The following KIAA1671 variants were observed in gnomAD, a reference collection of about 807,000 sequenced individuals.
The protein encoded by KIAA1671 is KIAA1671.
Under a neutral mutation model 131.2 loss-of-function variants are expected in KIAA1671, and 52 were observed. The observed-to-expected ratio is 0.40, with a 90% CI of 0.32 to 0.50. The LOEUF (loss-of-function observed/expected upper bound fraction) is 0.50, where lower values mean the gene tolerates loss of function less well. Among genes scored for constraint, KIAA1671 ranks in the 20% least tolerant of loss-of-function variants. The probability of loss-of-function intolerance (pLI) is 0.73; values close to 1 mark genes in which losing one functional copy is unlikely to be tolerated. For missense variants in KIAA1671, 2,360 were observed against 2,364.2 expected (o/e 1.00, Z 0.04); for synonymous variants, 1,003 against 961.6 (o/e 1.04, Z -0.80).
In KIAA1671 at chr22:25,039,775, G is replaced by A. The variant is rs886835837; in HGVS notation, c.2645G>A (p.Cys882Tyr). The change falls in exon 5 of 13, where the codon TGC becomes TAC. Residue 882 changes from cysteine to tyrosine, a missense_variant. Cys to Tyr is a radical substitution (Grantham distance 194). Coordinates refer to ENST00000358431, the MANE Select transcript of KIAA1671 (RefSeq NM_001145206.2). ...GGAGCAAGGGGCCCACCCCAGGGAT[G>A]CCCCCTCGATCCTCTTTCCAGGGCT... ...GVGARGPPQG[C>Y]PLDPLSRATN... The A allele has an allele frequency of 6.7e-7, 1 of 1,501,676 alleles. No individual in the cohort carries two copies. Among genetic ancestry groups the A allele is most frequent in the Non-Finnish European group, 8.9e-7 (1 of 1,120,454 alleles). The allele number at this position is 1,501,676 out of a possible 1,614,324, so 93.0% of individuals were successfully genotyped here. A position where few individuals can be genotyped will look rare whatever the true frequency, so the allele number is the denominator to read the frequency against.
chr22:24,973,556 G>A (rs1198646195), intron 1 of KIAA1671, among the ~76,000 whole-genome samples: 1 of 151,742 alleles, frequency 6.6e-6, no homozygotes, highest in Non-Finnish European at 1.5e-5. Context: ...ACCATGCCCG[G>A]CTAATTTTTT....
intron 6 of KIAA1671, among the ~76,000 whole-genome samples, chr22:25,075,503 T>C (rs552535735): frequency 1.4e-5 from 2 of 146,458 alleles, no homozygotes; most frequent in East Asian, 4.0e-4. Context: ...AGTGCGCATC[T>C]TTTTTTTTTT....
intron 6 of KIAA1671, among the ~76,000 whole-genome samples, chr22:25,168,625 G>A (rs1279427167): frequency 6.6e-6 from 1 of 152,198 alleles, no homozygotes; most frequent in African/African-American, 2.4e-5. Flanking sequence ...CCTGGGAGGC[G>A]GAGGTTGCGG....
At position 25,197,175 on chromosome 22, in the gene KIAA1671, CAGAA is replaced by C. The variant is rs1277345994; in HGVS notation, c.*4779_*4782del. 2 of 152,146 alleles carry C rather than the reference CAGAA, an allele frequency of 1.3e-5. No individual in the cohort carries two copies. Among genetic ancestry groups the C allele is most frequent in the East Asian group, 3.8e-4 (2 of 5,196 alleles). The allele number at this position is 152,146 out of a possible 1,614,324, so 9.4% of individuals were successfully genotyped here. A position where few individuals can be genotyped will look rare whatever the true frequency, so the allele number is the denominator to read the frequency against. On this transcript the variant is annotated 3_prime_UTR_variant, in exon 13 of 13. Transcript: ENST00000358431. ...AGACGAGAGGCACTTTATCCAGTCC[CAGAA>C]AGAATCTCTAACCGTGTGACTGAGA... is the stretch of plus-strand genomic sequence containing the variant.
Position 25,029,244 on chromosome 22 carries a change from G to C in KIAA1671, c.1245G>C (p.Glu415Asp), listed in dbSNP as rs1456236065. The C allele has an allele frequency of 3.4e-6, 5 of 1,486,292 alleles. No homozygotes were observed. Among genetic ancestry groups the C allele is most frequent in the Non-Finnish European group, 4.5e-6 (5 of 1,112,840 alleles). 92.1% of individuals were successfully genotyped at this position (1,486,292 alleles called of 1,614,324 possible). A position where few individuals can be genotyped will look rare whatever the true frequency, so the allele number is the denominator to read the frequency against. ...TGGGAAGGGGCCTAGAACTTGCTGA[G>C]GTTAAGAGCAGAGTGGCGGATGGGG... ...PRLGRGLELA[E>D]VKSRVADGEA... Residue 415 changes from glutamate to aspartate, a missense_variant, in exon 3 of 13, where the codon GAG (glutamate) becomes GAC (aspartate). Transcript: ENST00000358431.
chr22:24,984,878 C>G (rs1326228991), intron 1 of KIAA1671, among the ~76,000 whole-genome samples: 1 of 139,742 alleles, frequency 7.2e-6, no homozygotes, highest in African/African-American at 2.8e-5. Context: ...CGTGTCATTG[C>G]ACTCCAGCCT....
intron 6 of KIAA1671, among the ~76,000 whole-genome samples, chr22:25,163,118 A>G (rs952516159): frequency 2.0e-5 from 3 of 152,088 alleles, no homozygotes; most frequent in African/African-American, 7.2e-5. Context: ...GCTTGAGCCC[A>G]GGAATTCAAG....
intron 11 of KIAA1671, among the ~76,000 whole-genome samples, chr22:25,189,489 A>G (rs1025883413): frequency 6.6e-6 from 1 of 152,142 alleles, no homozygotes; most frequent in African/African-American, 2.4e-5. Flanking sequence ...GTCTTTTTCT[A>G]TTCAGGCCTT....
intron 1 of KIAA1671, among the ~76,000 whole-genome samples, chr22:24,991,046 G>A (rs915076028): frequency 6.6e-6 from 1 of 152,066 alleles, no homozygotes; most frequent in African/African-American, 2.4e-5. Context: ...TTTTTGAGGA[G>A]TCTCACTCCG....
intron 1 of KIAA1671, among the ~76,000 whole-genome samples, chr22:24,987,953 G>A (rs771843022): frequency 1.3e-5 from 2 of 152,150 alleles, no homozygotes; most frequent in African/African-American, 2.4e-5. Context: ...CCTGCAGGGG[G>A]TCCATCTGCA....
At chr22:24,973,668 T>A (rs1185145648) in intron 1 of KIAA1671, among the ~76,000 whole-genome samples, 1 of 151,846 alleles carries the variant, frequency 6.6e-6, no homozygotes, top group Non-Finnish European at 1.5e-5. Flanking sequence ...AGTGCTAGGA[T>A]TACAGGCATG....
intron 6 of KIAA1671, among the ~76,000 whole-genome samples, chr22:25,065,647 A>T (rs5760824): frequency 0.053 from 7,888 of 148,218 alleles, 246 homozygotes; most frequent in East Asian, 0.17. Flanking sequence ...TATTATTATT[A>T]TTTTTTTTTT....
intron 6 of KIAA1671, among the ~76,000 whole-genome samples, chr22:25,106,694 C>G (rs1049216331): frequency 6.6e-6 from 1 of 152,142 alleles, no homozygotes; most frequent in Admixed American, 6.5e-5. Flanking sequence ...AGTCACTGAT[C>G]ACTGAATAAT....
intron 1 of KIAA1671, among the ~76,000 whole-genome samples, chr22:25,007,383 A>G (rs1207066038): frequency 1.3e-5 from 2 of 151,880 alleles, no homozygotes; most frequent in African/African-American, 4.8e-5. Flanking sequence ...CTACTGGGGA[A>G]GCTGAGGCAG....
intron 1 of KIAA1671, among the ~76,000 whole-genome samples, chr22:24,957,521 T>C (rs551469427): frequency 1.5e-4 from 23 of 152,216 alleles, no homozygotes; most frequent in African/African-American, 5.5e-4. Flanking sequence ...CCATCCAGAT[T>C]ATAGGAGTGT....
In KIAA1671 at chr22:24,973,454, A is replaced by G. The variant is rs192150811; in HGVS notation, c.-208+20682A>G. ...CGCTGTGTTGCCCAGGCTGGAGTGC[A>G]ATGGCGTGATCTCGGCTCACTGCAA... On this transcript the variant is annotated intron_variant, in intron 1 of 12. Transcript: ENST00000358431. Among the ~76,000 whole-genome samples, 10 of 128,988 alleles carry G rather than the reference A, an allele frequency of 7.8e-5. No individual in the cohort carries two copies. The East Asian group carries it at 1.6e-3, about 20-fold the overall frequency. 84.6% of individuals were successfully genotyped at this position (128,988 alleles called of 152,430 possible). A position where few individuals can be genotyped will look rare whatever the true frequency, so the allele number is the denominator to read the frequency against.
intron 6 of KIAA1671, among the ~76,000 whole-genome samples, chr22:25,085,765 TGAAG>T (rs929648364): frequency 3.3e-5 from 3 of 89,638 alleles, no homozygotes; most frequent in East Asian, 3.5e-4. Context: ...TGATAAGTGG[TGAAG>T]GAAGGAAGGG....
At chr22:25,157,143 A>G (rs574828034) in intron 6 of KIAA1671, among the ~76,000 whole-genome samples, 27 of 152,354 alleles carry the variant, frequency 1.8e-4, no homozygotes, top group Non-Finnish European at 3.1e-4. Flanking sequence ...AAAGAATTAT[A>G]TACTTACATA....
At chr22:25,098,306 T>C (rs749948519) in intron 6 of KIAA1671, among the ~76,000 whole-genome samples, 1 of 152,028 alleles carries the variant, frequency 6.6e-6, no homozygotes, top group East Asian at 1.9e-4. Flanking sequence ...CCCTCCTCTC[T>C]CTCCCCTTTC....
Sources: gnomAD v4.1 joint callset for allele counts (sites outside exome capture counted in the v4.1 genomes callset) on GRCh38, gnomAD v4.1.1 for gene constraint, MANE v1.5 for transcripts, NCBI Gene and HGNC (gene_info 2026-07-23, HGNC 2026-07-21) for gene names.